KIAA1958: variants seen among roughly 807,000 people sequenced by gnomAD.
KIAA1958 encodes the protein KIAA1958, also known as uncharacterized protein KIAA1958.
A neutral mutation model predicts 47.2 loss-of-function variants in KIAA1958; 14 were observed. The observed-to-expected ratio is 0.30, with a 90% CI of 0.20 to 0.46. The LOEUF (loss-of-function observed/expected upper bound fraction) is 0.46. KIAA1958 is among the 20% of genes least tolerant of loss of function. The pLI, the probability that KIAA1958 is intolerant of heterozygous loss-of-function variation, is 1.00. For missense variants in KIAA1958, 803 were observed against 909.2 expected, an observed-to-expected ratio of 0.88 and a Z score of 1.50; for synonymous variants, 354 against 353.3, an observed-to-expected ratio of 1.00 and a Z score of -0.02.
chr9:112,613,678 G>C (rs974598701), intron 2 of KIAA1958, among the ~76,000 whole-genome samples: 1 of 152,114 alleles, frequency 6.6e-6, no homozygotes, highest in African/African-American at 2.4e-5. Context: ...ATTTGAACGG[G>C]CACTTCATGA....
intron 2 of KIAA1958, among the ~76,000 whole-genome samples, chr9:112,633,583 A>AG (rs1405530752): frequency 6.6e-6 from 1 of 152,124 alleles, no homozygotes; most frequent in Non-Finnish European, 1.5e-5. Context: ...CACCACCTGG[A>AG]GGGAGACATA....
intron 2 of KIAA1958, among the ~76,000 whole-genome samples, chr9:112,605,496 A>C (rs1384050851): frequency 1.3e-5 from 2 of 152,122 alleles, no homozygotes; most frequent in Admixed American, 1.3e-4. Context: ...TACTTACACA[A>C]AGCAGAGTTT....
intron 1 of KIAA1958, among the ~76,000 whole-genome samples, chr9:112,539,699 G>A (rs1327430596): frequency 6.6e-6 from 1 of 151,952 alleles, no homozygotes; most frequent in African/African-American, 2.4e-5. Flanking sequence ...TTGCGGGGGT[G>A]GGGGTTGGGT....
At chr9:112,555,718 T>C (rs1201133107) in intron 1 of KIAA1958, among the ~76,000 whole-genome samples, 1 of 152,218 alleles carries the variant, frequency 6.6e-6, no homozygotes, top group Admixed American at 6.5e-5. Flanking sequence ...CCTCCAGCTC[T>C]TTTGTAAGGC....
At chr9:112,593,814 C>A (rs1016295769) in intron 2 of KIAA1958, among the ~76,000 whole-genome samples, 1 of 151,588 alleles carries the variant, frequency 6.6e-6, no homozygotes, top group African/African-American at 2.4e-5. Flanking sequence ...TCCTCAAGCA[C>A]CAACTGCAAG....
rs562932809 is a variant in KIAA1958 at position 112,494,341 on chromosome 9, G to A, written c.-25+7223G>A. 2.6e-4 allele frequency among the ~76,000 whole-genome samples: 39 copies of A among 151,574 alleles called. No individual in the cohort carries two copies. The South Asian group carries it at 5.0e-3, about 19-fold the overall frequency. ...ATTGTTTTCATTTTCTCTCTTTGGGGCCTCCTATTATATGTATGTTGGATC... is the reference window on the plus strand; with the variant it reads ...ATTGTTTTCATTTTCTCTCTTTGGGACCTCCTATTATATGTATGTTGGATC... On this transcript the variant is annotated intron_variant, in intron 1 of 3. Transcript: ENST00000337530.
Position 112,618,116 on chromosome 9 carries a change from G to A in KIAA1958, c.1172-27534G>A, listed in dbSNP as rs766602467. 13 of 1,550,420 alleles carry A rather than the reference G, an allele frequency of 8.4e-6. No homozygotes were observed. Among genetic ancestry groups the A allele is most frequent in the Middle Eastern group, 1.7e-4 (1 of 6,014 alleles). On this transcript the variant is annotated intron_variant, in intron 2 of 3. Transcript: ENST00000337530. The surrounding 1 kb of genome is among the most constrained non-coding windows in gnomAD (Gnocchi z 7.1). ...CTTGGCCAATTACCAGTGTGGGCTC[G>A]AAAGGTACCTGAAAGAACACAGGTA... is the stretch of plus-strand genomic sequence containing the variant.
At chr9:112,565,277 T>C (rs1257598871) in intron 1 of KIAA1958, among the ~76,000 whole-genome samples, 1 of 152,264 alleles carries the variant, frequency 6.6e-6, no homozygotes, top group Non-Finnish European at 1.5e-5. Flanking sequence ...TTTTTGTTTT[T>C]TGTTTTTGTA....
intron 2 of KIAA1958, among the ~76,000 whole-genome samples, chr9:112,613,716 C>A (rs1335574321): frequency 6.6e-6 from 1 of 152,082 alleles, no homozygotes; most frequent in East Asian, 1.9e-4. Context: ...AAAATTAAAA[C>A]CACACTGGAG....
intron 1 of KIAA1958, among the ~76,000 whole-genome samples, chr9:112,551,969 T>A (rs1209603936): frequency 1.3e-5 from 2 of 152,226 alleles, no homozygotes; most frequent in Non-Finnish European, 2.9e-5. Flanking sequence ...TCATCCTACT[T>A]GTATAGTCTC....
chr9:112,613,574 G>A (rs1009305061), intron 2 of KIAA1958, among the ~76,000 whole-genome samples: 1 of 152,050 alleles, frequency 6.6e-6, no homozygotes, highest in Admixed American at 6.6e-5. Context: ...GAAGATATTT[G>A]TAATAAATAT....
chr9:112,577,528 C>T (rs954552607), intron 2 of KIAA1958, among the ~76,000 whole-genome samples: 1 of 149,458 alleles, frequency 6.7e-6, no homozygotes, highest in African/African-American at 2.5e-5. Flanking sequence ...ACTCTCCTGC[C>T]CCCCTTTTTT....
intron 1 of KIAA1958, among the ~76,000 whole-genome samples, chr9:112,503,636 A>AG (rs1834183513): frequency 6.8e-6 from 1 of 147,830 alleles, no homozygotes. Context: ...AAAAAAAAAA[A>AG]GGTCAAGGGC....
chr9:112,629,094 T>G (rs1268604232), intron 2 of KIAA1958, among the ~76,000 whole-genome samples: 1 of 152,178 alleles, frequency 6.6e-6, no homozygotes, highest in East Asian at 1.9e-4. Context: ...ATCTTAAGAC[T>G]GTGTTTAAGC....
At chr9:112,625,840 ATC>A (rs1836600407) in intron 2 of KIAA1958, among the ~76,000 whole-genome samples, 1 of 152,256 alleles carries the variant, frequency 6.6e-6, no homozygotes, top group Non-Finnish European at 1.5e-5. Flanking sequence ...TCTAACAAAC[ATC>A]TCTCAGCCTA....
intron 1 of KIAA1958, among the ~76,000 whole-genome samples, chr9:112,513,480 C>CGGTGGCTTAGGGAGCCCGTCCGGTCAT (rs1554720343): frequency 1.7e-5 from 1 of 57,972 alleles, no homozygotes; most frequent in Non-Finnish European, 3.2e-5. Context: ...GGGCTGGGGT[C>CGGTGGCTTAGGGAGCCCGTCCGGTCAT]GGTGGCCGCG....
intron 1 of KIAA1958, among the ~76,000 whole-genome samples, chr9:112,502,198 A>G (rs1393269247): frequency 2.0e-5 from 3 of 152,266 alleles, no homozygotes; most frequent in African/African-American, 7.2e-5. Context: ...TACTTACAAA[A>G]GATGAACATA....
At chr9:112,605,007 GTT>G (rs1241012366) in intron 2 of KIAA1958, among the ~76,000 whole-genome samples, 2 of 142,854 alleles carry the variant, frequency 1.4e-5, no homozygotes, top group Non-Finnish European at 3.1e-5. Context: ...ATTTTTATAT[GTT>G]ATATATTTTA....
intron 2 of KIAA1958, among the ~76,000 whole-genome samples, chr9:112,635,346 G>A (rs923669386): frequency 1.3e-4 from 20 of 151,202 alleles, no homozygotes; most frequent in Admixed American, 1.3e-3. Context: ...TGCCTCCCAG[G>A]CTTAAGCCAT....
Sources: allele counts gnomAD v4.1 joint callset (sites outside exome capture counted in the v4.1 genomes callset), GRCh38; gene constraint gnomAD v4.1.1; non-coding constraint Gnocchi (gnomAD v3.1); transcripts MANE v1.5; gene names NCBI Gene and HGNC (gene_info 2026-07-23, HGNC 2026-07-21).